FARS2: variants seen among roughly 807,000 people sequenced by gnomAD.
The protein encoded by FARS2 is phenylalanine--tRNA ligase, mitochondrial.
FARS2 carries 40 observed loss-of-function variants against 46.4 expected under a neutral mutation model. That is an observed-to-expected ratio of 0.86 (90% CI 0.67 to 1.12). The LOEUF (loss-of-function observed/expected upper bound fraction) is 1.12, where lower values mean the gene tolerates loss of function less well. Ranked by LOEUF, FARS2 falls within the 50% of genes most tolerant of loss-of-function variation. The pLI, the probability that FARS2 is intolerant of heterozygous loss-of-function variation, is 0.00. For missense variants in FARS2, 513 were observed against 567.9 expected (o/e 0.90, Z 0.98); for synonymous variants, 234 against 214.9 (o/e 1.09, Z -0.78).
intron 5 of FARS2, among the ~76,000 whole-genome samples, chr6:5,591,129 G>A (rs182526131): frequency 6.6e-6 from 1 of 152,296 alleles, no homozygotes; most frequent in East Asian, 1.9e-4. Context: ...ATCTTTTGGT[G>A]TTAATGCCAT....
At chr6:5,439,881 T>C (rs1763744240) in intron 4 of FARS2, among the ~76,000 whole-genome samples, 1 of 152,168 alleles carries the variant, frequency 6.6e-6, no homozygotes, top group South Asian at 2.1e-4. Flanking sequence ...AACTTTCCTC[T>C]CTTCCTTTAA....
intron 1 of FARS2, among the ~76,000 whole-genome samples, chr6:5,354,130 A>G (rs762715249): frequency 1.4e-4 from 22 of 152,250 alleles, no homozygotes; most frequent in Non-Finnish European, 2.2e-4. Flanking sequence ...CAAAGCCTCT[A>G]AAGATAAAAC....
intron 5 of FARS2, among the ~76,000 whole-genome samples, chr6:5,590,718 GCCAGCA>G (rs1486500807): frequency 2.0e-5 from 3 of 152,102 alleles, no homozygotes; most frequent in Non-Finnish European, 2.9e-5. Flanking sequence ...ACTGAAGCTG[GCCAGCA>G]CTTTAATTTT....
chr6:5,287,961 AG>A (rs1359402309), intron 1 of FARS2, among the ~76,000 whole-genome samples: 1 of 152,180 alleles, frequency 6.6e-6, no homozygotes, highest in Non-Finnish European at 1.5e-5. Flanking sequence ...AAGGTAGTGC[AG>A]GTATCTGTCA....
chr6:5,361,234 G>T (rs568899476), intron 1 of FARS2, among the ~76,000 whole-genome samples: 2 of 152,056 alleles, frequency 1.3e-5, no homozygotes, highest in Admixed American at 6.6e-5. Context: ...ATTCAAACTC[G>T]TTGCAACCAT....
intron 4 of FARS2, among the ~76,000 whole-genome samples, chr6:5,516,197 T>G (rs1768779496): frequency 6.6e-6 from 1 of 152,224 alleles, no homozygotes; most frequent in Non-Finnish European, 1.5e-5. Context: ...CACCAGCTCT[T>G]GAATGTCTCT....
chr6:5,739,633 C>T (rs755709186), intron 6 of FARS2, among the ~76,000 whole-genome samples: 1 of 152,190 alleles, frequency 6.6e-6, no homozygotes, highest in African/African-American at 2.4e-5. Flanking sequence ...AGGCTAGCAG[C>T]GATCACTTTG....
chr6:5,579,553 C>T (rs1773205659), intron 5 of FARS2, among the ~76,000 whole-genome samples: 1 of 152,200 alleles, frequency 6.6e-6, no homozygotes, highest in South Asian at 2.1e-4. Flanking sequence ...GGATTATAGG[C>T]GTGAGCCACC....
intron 6 of FARS2, among the ~76,000 whole-genome samples, chr6:5,679,842 T>C (rs1778944137): frequency 2.0e-5 from 3 of 147,278 alleles, no homozygotes; most frequent in African/African-American, 5.1e-5. Flanking sequence ...AACCCTCACT[T>C]CCCCCACCCC....
chr6:5,262,791 A>T (rs2127799630), intron 1 of FARS2, among the ~76,000 whole-genome samples: 1 of 152,248 alleles, frequency 6.6e-6, no homozygotes, highest in African/African-American at 2.4e-5. Context: ...GTTATTGTTT[A>T]TTATTATTTT....
At position 5,590,181 on chromosome 6, in the gene FARS2, G is replaced by A. The variant is rs573198273; in HGVS notation, c.1066-22988G>A. 3.3e-5 allele frequency among the ~76,000 whole-genome samples: 5 copies of A among 152,318 alleles called. No individual in the cohort carries two copies. In the South Asian group the frequency reaches 6.2e-4, roughly 19 times the overall value. ...TGGTGCTACTGGACTGGATCTCAGT[G>A]CAGGCAAATGTGATAGTGAAGAATG... is the stretch of plus-strand genomic sequence containing the variant. On this transcript the variant is annotated intron_variant, in intron 5 of 6. Coordinates refer to ENST00000274680, the MANE Select transcript of FARS2 (RefSeq NM_006567.5).
intron 1 of FARS2, among the ~76,000 whole-genome samples, chr6:5,357,610 A>G (rs1000270664): frequency 6.6e-6 from 1 of 152,230 alleles, no homozygotes; most frequent in Non-Finnish European, 1.5e-5. Context: ...GATCATGTCA[A>G]TGGGAAGATG....
chr6:5,405,692 C>T (rs957342795), intron 3 of FARS2, among the ~76,000 whole-genome samples: 8 of 151,988 alleles, frequency 5.3e-5, no homozygotes, highest in African/African-American at 1.7e-4. Flanking sequence ...CAGGGTTTCA[C>T]CGTGTTTGCC....
intron 4 of FARS2, among the ~76,000 whole-genome samples, chr6:5,451,360 A>C (rs143882009): frequency 2.6e-5 from 4 of 152,298 alleles, no homozygotes; most frequent in Non-Finnish European, 4.4e-5. Flanking sequence ...CAAACATTGC[A>C]TTACGTTTCA....
intron 1 of FARS2, among the ~76,000 whole-genome samples, chr6:5,298,302 G>C (rs1406759592): frequency 6.6e-6 from 1 of 152,140 alleles, no homozygotes; most frequent in Admixed American, 6.5e-5. Context: ...TGGCTTCCTG[G>C]ACCCTGCCTC....
At chr6:5,669,977 A>G (rs1778367868) in intron 6 of FARS2, among the ~76,000 whole-genome samples, 1 of 152,142 alleles carries the variant, frequency 6.6e-6, no homozygotes, top group African/African-American at 2.4e-5. Flanking sequence ...GACATGAGAA[A>G]AGTGTCAATA....
At chr6:5,770,203 A>G (rs2093427) in intron 6 of FARS2, among the ~76,000 whole-genome samples, 9,624 of 152,244 alleles carry the variant, frequency 0.063, 569 homozygotes, top group East Asian at 0.21. Context: ...GTCCAGCTCA[A>G]TCAGAAGCCC....
intron 5 of FARS2, among the ~76,000 whole-genome samples, chr6:5,573,666 C>G (rs1028830751): frequency 1.3e-4 from 20 of 152,168 alleles, no homozygotes; most frequent in African/African-American, 4.8e-4. Flanking sequence ...GTTTCCATTG[C>G]CCTTTGTTTA....
intron 5 of FARS2, among the ~76,000 whole-genome samples, chr6:5,602,508 G>A (rs964455860): frequency 4.0e-5 from 6 of 151,888 alleles, no homozygotes; most frequent in South Asian, 2.1e-4. Flanking sequence ...TTAGCTGGGC[G>A]TGGTGGTGGC....
Sources: allele counts gnomAD v4.1 joint callset (sites outside exome capture counted in the v4.1 genomes callset), GRCh38; gene constraint gnomAD v4.1.1; transcripts MANE v1.5; gene names NCBI Gene and HGNC (gene_info 2026-07-23, HGNC 2026-07-21).